RPTOR: variants seen among roughly 807,000 people sequenced by gnomAD.
RPTOR encodes the protein regulatory associated protein of MTOR complex 1, also known as regulatory-associated protein of mTOR.
Under a neutral mutation model 169.9 loss-of-function variants are expected in RPTOR, and 21 were observed. That is an observed-to-expected ratio of 0.12 (90% CI 0.09 to 0.18). RPTOR has a LOEUF of 0.18. RPTOR is among the 10% of genes least tolerant of loss of function. The pLI is 1.00. For synonymous variants in RPTOR, 732 were observed against 753.2 expected (o/e 0.97, Z 0.46); for missense variants, 1,133 against 1,855.9 (o/e 0.61, Z 7.16).
chr17:80,956,656 G>C (rs192513807), intron 28 of RPTOR, among the ~76,000 whole-genome samples: 67 of 152,382 alleles, frequency 4.4e-4, no homozygotes, highest in African/African-American at 1.5e-3. Flanking sequence ...CAGACGGCAG[G>C]CATCTTAGAC....
Position 80,730,704 on chromosome 17 carries a change from G to A in RPTOR, c.652G>A (p.Glu218Lys), listed in dbSNP as rs1428362119. 1 of 1,610,286 alleles carries A rather than the reference G, an allele frequency of 6.2e-7. No homozygotes were observed. The highest frequency in any genetic ancestry group is 1.1e-5 in the South Asian group (1 of 90,986). The change falls in exon 5 of 34, where the codon GAG (glutamate) becomes AAG (lysine). Residue 218 changes from glutamate (E) to lysine (K), a missense_variant and splice_region_variant. By Grantham distance (56) the Glu-to-Lys change is moderately conservative. Around this residue, in one of 9 missense-constraint regions of RPTOR, gnomAD observed 35 missense variants for 31.8 expected, o/e 1.10. Coordinates refer to ENST00000306801, the MANE Select transcript of RPTOR (RefSeq NM_020761.3). The surrounding 1 kb of genome is among the most constrained non-coding windows in gnomAD (Gnocchi z 4.2). ...QFALQREQEL[E>K]VAAINPNHPL... ...CGCACTACAGCGGGAGCAGGAGCTG[G>A]AGGTGAGCGCTCTGGTGCTTGGAGA... is the stretch of plus-strand genomic sequence containing the variant.
At chr17:80,694,361 A>G (rs2066018211) in intron 3 of RPTOR, among the ~76,000 whole-genome samples, 1 of 152,058 alleles carries the variant, frequency 6.6e-6, no homozygotes, top group South Asian at 2.1e-4. Flanking sequence ...ATAAATACTG[A>G]TTTCCCACCC....
intron 9 of RPTOR, among the ~76,000 whole-genome samples, chr17:80,825,952 C>A (rs969867473): frequency 6.6e-6 from 1 of 152,110 alleles, no homozygotes; most frequent in South Asian, 2.1e-4. Context: ...TGACACTGCT[C>A]GTGAGTGGAG....
At chr17:80,673,119 G>T (rs1161185920) in intron 3 of RPTOR, among the ~76,000 whole-genome samples, 1 of 152,028 alleles carries the variant, frequency 6.6e-6, no homozygotes, top group Non-Finnish European at 1.5e-5. Context: ...TAGAGATGCG[G>T]TTTCACCATG....
rs1291246935 is a variant in RPTOR at position 80,964,974 on chromosome 17, T to G, written c.*644T>G. On this transcript the variant is annotated 3_prime_UTR_variant, in exon 34 of 34. Transcript: ENST00000306801. ...TGTCCTTGGCCGCTGGCAGCATCAC[T>G]GAGCAGGAAGCGCACAGCCCACCCT... 3 of 233,366 alleles carry G rather than the reference T, an allele frequency of 1.3e-5. No individual in the cohort carries two copies. The highest frequency in any genetic ancestry group is 2.5e-5 in the Non-Finnish European group (3 of 118,218). The allele number at this position is 233,366 out of a possible 1,614,324, so 14.5% of individuals were successfully genotyped here.
chr17:80,616,781 G>A (rs2065314596), intron 1 of RPTOR, among the ~76,000 whole-genome samples: 1 of 152,004 alleles, frequency 6.6e-6, no homozygotes. Flanking sequence ...AAATATTAGA[G>A]CCCTTTGCTA....
intron 6 of RPTOR, among the ~76,000 whole-genome samples, chr17:80,767,196 A>T (rs997661076): frequency 6.6e-6 from 1 of 152,144 alleles, no homozygotes; most frequent in Admixed American, 6.5e-5. Flanking sequence ...AACATAGCAA[A>T]ACCCCATCTC....
intron 21 of RPTOR, among the ~76,000 whole-genome samples, chr17:80,913,490 TCA>T (rs2068636020): frequency 6.6e-6 from 1 of 152,086 alleles, no homozygotes; most frequent in Admixed American, 6.5e-5. Flanking sequence ...TCTCACTCTA[TCA>T]CCCAGGCTGG....
chr17:80,594,421 T>C (rs1219046427), intron 1 of RPTOR, among the ~76,000 whole-genome samples: 2 of 152,192 alleles, frequency 1.3e-5, no homozygotes, highest in Admixed American at 1.3e-4. Flanking sequence ...GGAAATGACC[T>C]TTGAGTTTTG....
chr17:80,741,334 T>C (rs764690617), intron 5 of RPTOR, among the ~76,000 whole-genome samples: 1 of 152,132 alleles, frequency 6.6e-6, no homozygotes. Context: ...TGGAGGGCAG[T>C]GCAGGAGGCC....
rs543503213 is a variant in RPTOR at position 80,642,775 on chromosome 17, A to G, written c.266-953A>G. ...ATTATGTAAAATAGCATTTTAAGAT[A>G]CTCTTCTGTTTTCTAATGATAGATA... On this transcript the variant is annotated intron_variant, in intron 2 of 33. Transcript: ENST00000306801. 3.9e-5 allele frequency among the ~76,000 whole-genome samples: 6 copies of G among 152,262 alleles called. No homozygotes were observed. The South Asian group carries it at 1.2e-3, about 32-fold the overall frequency.
At chr17:80,725,306 G>C (rs2066322219) in intron 4 of RPTOR, among the ~76,000 whole-genome samples, 1 of 152,242 alleles carries the variant, frequency 6.6e-6, no homozygotes, top group South Asian at 2.1e-4. Context: ...TAACCTGACA[G>C]ATAAAGTGGA....
At chr17:80,883,272 C>G in intron 14 of RPTOR, 147 bp from the exon 15 acceptor site, 1 of 718,168 alleles carries the variant, frequency 1.4e-6, no homozygotes, top group Non-Finnish European at 2.5e-6. Flanking sequence ...GTAGAGTCCA[C>G]GTAAAATCCA....
At chr17:80,949,878 T>C (rs1168011244) in intron 28 of RPTOR, among the ~76,000 whole-genome samples, 2 of 152,060 alleles carry the variant, frequency 1.3e-5, no homozygotes, top group African/African-American at 4.8e-5. Flanking sequence ...CATCACGGGG[T>C]CCTTCTTTGG....
At chr17:80,618,794 G>A (rs761777941) in intron 1 of RPTOR, among the ~76,000 whole-genome samples, 7 of 152,204 alleles carry the variant, frequency 4.6e-5, no homozygotes, top group Non-Finnish European at 1.0e-4. Context: ...AAAATAGAGA[G>A]TCTCCCAAGC....
rs780300677 is a variant in RPTOR at position 80,964,286 on chromosome 17, G to A, written c.3964G>A (p.Asp1322Asn). The change falls in exon 34 of 34, where the codon GAC (aspartate) becomes AAC (asparagine). Residue 1322 changes from aspartate to asparagine, a missense_variant. By Grantham distance (23) the Asp-to-Asn change is conservative. This residue lies in a region of RPTOR where 410 missense variants were observed against 623.7 expected (regional missense o/e 0.66). Transcript: ENST00000306801. Reference sequence around the variant, plus strand: ...GCCTCACCTGGCCGTGGGAAGCAACGACTACTACATCTCCGTGTACTCGGT... The same window carrying A: ...GCCTCACCTGGCCGTGGGAAGCAACAACTACTACATCTCCGTGTACTCGGT... ...HWPHLAVGSN[D>N]YYISVYSVEK... The A allele has an allele frequency of 6.9e-6, 11 of 1,603,122 alleles. No homozygotes were observed. Among genetic ancestry groups the A allele is most frequent in the East Asian group, 2.2e-5 (1 of 44,556 alleles).
intron 9 of RPTOR, among the ~76,000 whole-genome samples, chr17:80,835,604 G>A (rs546066391): frequency 2.0e-5 from 3 of 152,288 alleles, no homozygotes; most frequent in African/African-American, 2.4e-5. Flanking sequence ...GGGCCACCAC[G>A]CTGCCACAGG....
chr17:80,827,445 G>T (rs2143636375), intron 9 of RPTOR, among the ~76,000 whole-genome samples: 1 of 152,332 alleles, frequency 6.6e-6, no homozygotes, highest in African/African-American at 2.4e-5. Flanking sequence ...GTCCCCACCA[G>T]TGGGGTCCTT....
chr17:80,558,164 G>C (rs1488867281), intron 1 of RPTOR, among the ~76,000 whole-genome samples: 1 of 152,256 alleles, frequency 6.6e-6, no homozygotes. Context: ...AGCCGGGCAT[G>C]GTGGCATGTG....
Sources: allele counts gnomAD v4.1 joint callset (sites outside exome capture counted in the v4.1 genomes callset), GRCh38; gene constraint gnomAD v4.1.1; regional missense constraint gnomAD v4.1.1; non-coding constraint Gnocchi (gnomAD v3.1); transcripts MANE v1.5; gene names NCBI Gene and HGNC (gene_info 2026-07-23, HGNC 2026-07-21).